The following CNST variants were observed in gnomAD, a reference collection of about 807,000 sequenced individuals.
CNST encodes consortin.
In CNST, 39 loss-of-function variants were observed where a neutral mutation model predicts 72.4. The observed-to-expected ratio is 0.54, with a 90% CI of 0.42 to 0.70. CNST has a LOEUF of 0.70. Among genes scored for constraint, CNST ranks in the 30% least tolerant of loss-of-function variants. The pLI, the probability that CNST is intolerant of heterozygous loss-of-function variation, is 0.00. For synonymous variants in CNST, 332 were observed against 320.1 expected (o/e 1.04, Z -0.40); for missense variants, 871 against 868.5 (o/e 1.00, Z -0.04).
chr1:246,628,015 G>T (rs1664550679), intron 3 of CNST, among the ~76,000 whole-genome samples: 1 of 151,858 alleles, frequency 6.6e-6, no homozygotes, highest in African/African-American at 2.4e-5. Flanking sequence ...GGAGAGCCGA[G>T]CTAAGTCCCA....
chr1:246,581,814 T>A (rs2103012573), intron 1 of CNST, among the ~76,000 whole-genome samples: 1 of 152,358 alleles, frequency 6.6e-6, no homozygotes, highest in South Asian at 2.1e-4. Flanking sequence ...TTTATATTAT[T>A]TTTTATTCAT....
rs757440556 is a variant in CNST at position 246,660,282 on chromosome 1, A to G, written c.1920A>G (p.Lys640=). The G allele has an allele frequency of 6.2e-7, 1 of 1,614,114 alleles. No individual in the cohort carries two copies. The highest frequency in any genetic ancestry group is 1.1e-5 in the South Asian group (1 of 91,074). The change falls in exon 10 of 11, where the codon AAA becomes AAG. Residue 640 remains lysine (K), a synonymous_variant. Transcript: ENST00000366513. ...VGDHPAQMQH[K]PSKRRVRFQE... is the part of the protein sequence containing the mutation. ...ATCATCCTGCCCAAATGCAACACAA[A>G]CCATCTAAGCGAAGAGTGAGATTCC...
At chr1:246,643,631 AC>A (rs1476699142) in intron 8 of CNST, among the ~76,000 whole-genome samples, 1 of 152,172 alleles carries the variant, frequency 6.6e-6, no homozygotes, top group African/African-American at 2.4e-5. Flanking sequence ...TTCTAATTGA[AC>A]GCAGCCTGCT....
rs946273916 is a variant in CNST, at chr1:246,584,032, T to C, written c.-51-7480T>C. Among the ~76,000 whole-genome samples the C allele has an allele frequency of 4.3e-4, 10 of 23,430 alleles. No homozygotes were observed. In the South Asian group the frequency reaches 6.1e-3, roughly 14 times the overall value. 15.4% of individuals were successfully genotyped at this position (23,430 alleles called of 152,430 possible). A position where few individuals can be genotyped will look rare whatever the true frequency, so the allele number is the denominator to read the frequency against. Reference sequence around the variant, plus strand: ...ATAGCTCACTGCTGCCTTGAACTGCTGGGCTTTAAGCAGTCCTCCTGCCGC... The same window carrying C: ...ATAGCTCACTGCTGCCTTGAACTGCCGGGCTTTAAGCAGTCCTCCTGCCGC... On this transcript the variant is annotated intron_variant, in intron 1 of 10. Transcript: ENST00000366513.
intron 2 of CNST, among the ~76,000 whole-genome samples, chr1:246,592,779 G>A (rs1286895388): frequency 1.3e-5 from 2 of 152,150 alleles, no homozygotes; most frequent in Non-Finnish European, 2.9e-5. Flanking sequence ...TAAGACATCT[G>A]GTTCTAATTA....
In CNST at chr1:246,667,000, A is replaced by T. The variant is rs538930665; in HGVS notation, c.*1095A>T. 8.5e-5 allele frequency: 13 copies of T among 152,192 alleles called. No homozygotes were observed. The highest frequency in any genetic ancestry group is 7.4e-5 in the Non-Finnish European group (5 of 68,012). 9.4% of individuals were successfully genotyped at this position (152,192 alleles called of 1,614,324 possible). A position where few individuals can be genotyped will look rare whatever the true frequency, so the allele number is the denominator to read the frequency against. ...TGCGGGGTCATTACGCAAAAATTCAATCATACCTTCCATAGACAAATGTCT... is the reference window on the plus strand; with the variant it reads ...TGCGGGGTCATTACGCAAAAATTCATTCATACCTTCCATAGACAAATGTCT... On this transcript the variant is annotated 3_prime_UTR_variant, in exon 11 of 11. Coordinates refer to ENST00000366513, the MANE Select transcript of CNST (RefSeq NM_152609.3).
Position 246,578,827 on chromosome 1 carries a change from A to G in CNST, c.-52+12164A>G, listed in dbSNP as rs558649602. On this transcript the variant is annotated intron_variant, in intron 1 of 10. Transcript: ENST00000366513. ...TATGGAATCTGCCCTACATACCACA[A>G]GCAGCACAGAATCTGGAGCCAGTCT... Among the ~76,000 whole-genome samples the G allele has an allele frequency of 3.0e-4, 45 of 152,322 alleles. No individual in the cohort carries two copies. In the East Asian group the frequency reaches 7.5e-3, roughly 25 times the overall value.
At position 246,591,936 on chromosome 1, in the gene CNST, C is replaced by T. The variant is rs753665821; in HGVS notation, c.374C>T (p.Pro125Leu). The T allele has an allele frequency of 3.1e-6, 5 of 1,601,948 alleles. No homozygotes were observed. In the South Asian group the frequency reaches 5.6e-5, roughly 18 times the overall value. ...AAAAAAGGGACTGCTAAGAAGATAC[C>T]ACCAGGTATTGTTTAAAATAGTATT... The part of the protein sequence containing the change: ...RSKKGTAKKI[P>L]PGLFSGDIAP... The change falls in exon 2 of 11, where the codon CCA (proline) becomes CTA (leucine). Residue 125 changes from proline to leucine, a missense_variant. Physicochemically the swap from Pro to Leu is moderately conservative, Grantham distance 98. Transcript: ENST00000366513.
intron 6 of CNST, among the ~76,000 whole-genome samples, chr1:246,641,476 ATTC>A (rs1665686703): frequency 5.9e-5 from 9 of 152,142 alleles, no homozygotes; most frequent in Admixed American, 2.6e-4. Context: ...AAAGGTTGTC[ATTC>A]TTCTTTTTTT....
At position 246,572,162 on chromosome 1, in the gene CNST, G is replaced by A. The variant is rs184470745; in HGVS notation, c.-52+5499G>A. ...TGGGAGGATCACCTAAGCACAGGAG[G>A]TCAAGGCTGCAGTGAAGCATGACTG... On this transcript the variant is annotated intron_variant, in intron 1 of 10. Coordinates refer to ENST00000366513, the MANE Select transcript of CNST (RefSeq NM_152609.3). Among the ~76,000 whole-genome samples the A allele has an allele frequency of 7.5e-4, 114 of 152,302 alleles. 2 individuals carry two copies. In the East Asian group the frequency reaches 0.013, roughly 17 times the overall value.
chr1:246,664,960 G>A (rs1201358971), intron 10 of CNST, among the ~76,000 whole-genome samples: 1 of 152,114 alleles, frequency 6.6e-6, no homozygotes, highest in Non-Finnish European at 1.5e-5. Context: ...ATGCAAAAGA[G>A]ATCCCACCCA....
chr1:246,579,482 C>T (rs760259904), intron 1 of CNST, among the ~76,000 whole-genome samples: 2 of 152,160 alleles, frequency 1.3e-5, no homozygotes, highest in Non-Finnish European at 2.9e-5. Flanking sequence ...TCACAAATAG[C>T]CAGTAGCTGG....
At chr1:246,628,480 A>G (rs1307795309) in intron 3 of CNST, among the ~76,000 whole-genome samples, 1 of 152,246 alleles carries the variant, frequency 6.6e-6, no homozygotes, top group Non-Finnish European at 1.5e-5. Flanking sequence ...GACAACATAT[A>G]CTTGTATTTT....
At chr1:246,659,585 ACT>A (rs1666973110) in intron 9 of CNST, among the ~76,000 whole-genome samples, 1 of 148,582 alleles carries the variant, frequency 6.7e-6, no homozygotes, top group Admixed American at 6.7e-5. Flanking sequence ...ACAGAGCAAG[ACT>A]CTGTCTCAAA....
chr1:246,661,144 A>G (rs568980905), intron 10 of CNST, among the ~76,000 whole-genome samples: 4 of 150,530 alleles, frequency 2.7e-5, no homozygotes, highest in African/African-American at 4.9e-5. Context: ...TAATTTTTGT[A>G]TTTTTAGTGG....
In CNST at chr1:246,598,087, T is replaced by G. The variant is rs146085712; in HGVS notation, c.379+6146T>G. 2.6e-3 allele frequency among the ~76,000 whole-genome samples: 394 copies of G among 152,112 alleles called. 1 individual carries two copies. Among genetic ancestry groups the G allele is most frequent in the African/African-American group, 8.8e-3 (365 of 41,496 alleles). On this transcript the variant is annotated intron_variant, in intron 2 of 10. Coordinates refer to ENST00000366513, the MANE Select transcript of CNST (RefSeq NM_152609.3). ...TCCTCAAGTTCCCAGGCTCAGGTGA[T>G]TCTCTCACCTCAGCCTCCCAAGTAG...
At chr1:246,629,260 T>C (rs1039583283) in intron 3 of CNST, among the ~76,000 whole-genome samples, 6 of 152,214 alleles carry the variant, frequency 3.9e-5, no homozygotes, top group Non-Finnish European at 5.9e-5. Flanking sequence ...CTTTCTGCTC[T>C]ACTGGGCTAG....
chr1:246,647,519 G>C lies in CNST; in HGVS notation c.1318G>C (p.Asp440His). 1.9e-6 allele frequency: 3 copies of C among 1,614,162 alleles called. No individual in the cohort carries two copies. The highest frequency in any genetic ancestry group is 2.5e-6 in the Non-Finnish European group (3 of 1,180,040). Residue 440 changes from aspartate (D) to histidine (H), a missense_variant, in exon 9 of 11, where the codon GAC becomes CAC. Physicochemically the swap from Asp to His is moderately conservative, Grantham distance 81. Transcript: ENST00000366513. ...KTEPLISPGC[D>H]RIPPALISEG... ...AGAGCCGTTGATTTCACCAGGCTGT[G>C]ACCGTATACCTCCTGCATTGATTTC...
At chr1:246,569,308 C>A (rs966050723) in intron 1 of CNST, among the ~76,000 whole-genome samples, 4 of 152,114 alleles carry the variant, frequency 2.6e-5, no homozygotes, top group African/African-American at 9.7e-5. Context: ...GATACTAAAT[C>A]TATAAAATCT....
Sources: allele counts gnomAD v4.1 joint callset (sites outside exome capture counted in the v4.1 genomes callset), GRCh38; gene constraint gnomAD v4.1.1; transcripts MANE v1.5; gene names NCBI Gene and HGNC (gene_info 2026-07-23, HGNC 2026-07-21).